SLC39A8: variants seen among roughly 807,000 people sequenced by gnomAD.
SLC39A8 encodes solute carrier family 39 member 8, also known as metal cation symporter ZIP8.
In SLC39A8, 15 loss-of-function variants were observed where a neutral mutation model predicts 40.4. The observed-to-expected ratio is 0.37, with a 90% CI of 0.25 to 0.57. The LOEUF is 0.57. Ranked by LOEUF, SLC39A8 falls within the 20% of genes least tolerant of loss-of-function variation. SLC39A8 has a pLI of 0.75. For synonymous variants in SLC39A8, 223 were observed against 221.6 expected, an observed-to-expected ratio of 1.01 and a Z score of -0.06; for missense variants, 472 against 558.8, an observed-to-expected ratio of 0.84 and a Z score of 1.57.
chr4:102,294,635 T>G (rs1327932619), intron 6 of SLC39A8, among the ~76,000 whole-genome samples: 1 of 152,026 alleles, frequency 6.6e-6, no homozygotes, highest in Non-Finnish European at 1.5e-5. Flanking sequence ...TATTTAGAGT[T>G]GAACCCAATC....
At chr4:102,337,938 T>C (rs1735748005) in intron 2 of SLC39A8, among the ~76,000 whole-genome samples, 1 of 152,166 alleles carries the variant, frequency 6.6e-6, no homozygotes, top group African/African-American at 2.4e-5. Context: ...ACATTTGGTA[T>C]AAGCAAGAGT....
At chr4:102,299,299 C>T (rs1188076835) in intron 6 of SLC39A8, among the ~76,000 whole-genome samples, 2 of 143,054 alleles carry the variant, frequency 1.4e-5, no homozygotes, top group Non-Finnish European at 3.0e-5. Context: ...GTATTTCATA[C>T]TTAAAAAAAA....
intron 6 of SLC39A8, among the ~76,000 whole-genome samples, chr4:102,273,256 G>A (rs777485969): frequency 6.6e-6 from 1 of 152,210 alleles, no homozygotes; most frequent in Admixed American, 6.5e-5. Context: ...CGAGCTTGGT[G>A]TGGGGAGGGG....
chr4:102,320,424 A>ATATATATATGAGAG (rs1560561387), intron 2 of SLC39A8, among the ~76,000 whole-genome samples: 7,753 of 65,992 alleles, frequency 0.12, 1,235 homozygotes, highest in Non-Finnish European at 0.15. Context: ...ATATATGAGA[A>ATATATATATGAGAG]TATATATATA....
intron 6 of SLC39A8, among the ~76,000 whole-genome samples, chr4:102,278,818 G>A (rs963170649): frequency 1.3e-5 from 2 of 152,118 alleles, no homozygotes; most frequent in African/African-American, 4.8e-5. Flanking sequence ...CATAAAAAAG[G>A]ATGAGTTCAT....
Position 102,262,907 on chromosome 4 carries a change from C to A in SLC39A8, c.*137G>T. 7.1e-7 allele frequency: 1 copy of A among 1,409,564 alleles called. No homozygotes were observed. Among genetic ancestry groups the A allele is most frequent in the Non-Finnish European group, 9.2e-7 (1 of 1,085,188 alleles). 87.3% of individuals were successfully genotyped at this position (1,409,564 alleles called of 1,614,324 possible). ...TAATGGACTATTTCACAGACTGATG[C>A]CAATAATTAGTTTTCTGGACCTACA... On this transcript the variant is annotated 3_prime_UTR_variant, in exon 9 of 9. Transcript: ENST00000356736.
At chr4:102,325,419 ACACT>A (rs75562818) in intron 2 of SLC39A8, among the ~76,000 whole-genome samples, 19,903 of 152,044 alleles carry the variant, frequency 0.13, 1,550 homozygotes, top group South Asian at 0.28. Context: ...ATATACACAC[ACACT>A]CACATGCATA....
intron 11 of SLC39A8, among the ~76,000 whole-genome samples, chr4:102,253,972 A>G (rs1030012336): frequency 1.3e-5 from 2 of 152,132 alleles, no homozygotes; most frequent in Non-Finnish European, 2.9e-5. Flanking sequence ...TTTACACTCT[A>G]CAGTTCTCTT....
At position 102,267,945 on chromosome 4, in the gene SLC39A8, G is replaced by A. The variant is rs1732178060; in HGVS notation, c.975C>T (p.Ser325=). 2 of 1,614,182 alleles carry A rather than the reference G, an allele frequency of 1.2e-6. No individual in the cohort carries two copies. Among genetic ancestry groups the A allele is most frequent in the Non-Finnish European group, 1.7e-6 (2 of 1,180,032 alleles). The change falls in exon 7 of 9, where the codon TCC becomes TCT. Residue 325 remains serine, a synonymous_variant. Transcript: ENST00000356736. The part of the protein sequence containing the change: ...NFIDGLAIGA[S]CTLSLLQGLS... ...GTCCCTGAAGGAGAGACAAGGTGCA[G>A]GAAGCCCCAATCGCCAGGCCATCGA...
chr4:102,266,117 C>G (rs966537995), intron 8 of SLC39A8, among the ~76,000 whole-genome samples: 3 of 152,046 alleles, frequency 2.0e-5, no homozygotes, highest in Non-Finnish European at 4.4e-5. Context: ...ATTTAGTCAT[C>G]TGTGTGATTT....
At chr4:102,269,208 C>T (rs752787565) in intron 6 of SLC39A8, among the ~76,000 whole-genome samples, 10 of 152,202 alleles carry the variant, frequency 6.6e-5, no homozygotes, top group Non-Finnish European at 1.0e-4. Context: ...GGGCTTACTT[C>T]AGAGCAACCA....
intron 2 of SLC39A8, among the ~76,000 whole-genome samples, chr4:102,331,393 T>C (rs372309347): frequency 9.2e-4 from 140 of 152,194 alleles, no homozygotes; most frequent in African/African-American, 3.3e-3. Flanking sequence ...GAGAGCCAAA[T>C]CGTGAGTGAA....
intron 2 of SLC39A8, among the ~76,000 whole-genome samples, chr4:102,316,466 A>G (rs891295756): frequency 7.2e-5 from 11 of 152,220 alleles, no homozygotes; most frequent in African/African-American, 2.2e-4. Flanking sequence ...TTCATTAACT[A>G]TTAACAAGGA....
chr4:102,327,333 T>C (rs866966773), intron 2 of SLC39A8, among the ~76,000 whole-genome samples: 3 of 152,182 alleles, frequency 2.0e-5, no homozygotes, highest in African/African-American at 2.4e-5. Flanking sequence ...CTGTCTCTAA[T>C]ATTCCTTCCC....
chr4:102,305,499 G>C (rs1181227758), intron 4 of SLC39A8, among the ~76,000 whole-genome samples: 1 of 151,936 alleles, frequency 6.6e-6, no homozygotes, highest in African/African-American at 2.4e-5. Flanking sequence ...ATTACCTACT[G>C]TCTCTAAAAG....
At chr4:102,312,234 T>C (rs1734464759) in intron 3 of SLC39A8, among the ~76,000 whole-genome samples, 3 of 152,010 alleles carry the variant, frequency 2.0e-5, no homozygotes, top group Admixed American at 2.0e-4. Context: ...CTCTACTAGT[T>C]TCCCTAAATT....
intron 3 of SLC39A8, among the ~76,000 whole-genome samples, chr4:102,308,823 C>A (rs1484652913): frequency 6.6e-6 from 1 of 152,082 alleles, no homozygotes; most frequent in Non-Finnish European, 1.5e-5. Flanking sequence ...GCTAAGTGAT[C>A]AACATATGTC....
downstream of SLC39A8, chr4:102,259,395 A>G (rs377384689): frequency 2.3e-5 from 27 of 1,177,716 alleles, no homozygotes; most frequent in Non-Finnish European, 3.1e-5. Flanking sequence ...GAATTAAGCC[A>G]TTGTATAAAC....
chr4:102,269,254 A>G (rs1408524703), intron 6 of SLC39A8, among the ~76,000 whole-genome samples: 1 of 152,184 alleles, frequency 6.6e-6, no homozygotes, highest in Non-Finnish European at 1.5e-5. Context: ...ATATCACTTC[A>G]CCACTCCAAA....
Sources: allele counts gnomAD v4.1 joint callset (sites outside exome capture counted in the v4.1 genomes callset), GRCh38; gene constraint gnomAD v4.1.1; transcripts MANE v1.5; gene names NCBI Gene and HGNC (gene_info 2026-07-23, HGNC 2026-07-21).